The following GPC6 variants were observed in gnomAD, a reference collection of about 807,000 sequenced individuals.
The protein encoded by GPC6 is glypican-6.
In GPC6, 14 loss-of-function variants were observed where a neutral mutation model predicts 55.2. The ratio of observed to expected loss-of-function variants is 0.25; its 90% CI spans 0.17 to 0.40. The LOEUF is 0.40. GPC6 is among the 10% of genes least tolerant of loss of function. The pLI is 1.00. For synonymous variants in GPC6, 278 were observed against 259.6 expected (o/e 1.07, Z -0.68); for missense variants, 641 against 708.5 (o/e 0.90, Z 1.08).
chr13:93,400,349 A>AC (rs1876023905), intron 1 of GPC6, among the ~76,000 whole-genome samples: 2 of 151,824 alleles, frequency 1.3e-5, no homozygotes. Flanking sequence ...AAAAAAAAAA[A>AC]AAAATACAGA....
intron 2 of GPC6, among the ~76,000 whole-genome samples, chr13:93,723,191 G>T (rs374274742): frequency 6.6e-6 from 1 of 151,914 alleles, no homozygotes; most frequent in African/African-American, 2.4e-5. Context: ...ACAGTGCATT[G>T]TTGTAGGTAG....
chr13:93,975,860 G>A (rs186801393), intron 3 of GPC6, among the ~76,000 whole-genome samples: 1 of 152,226 alleles, frequency 6.6e-6, no homozygotes, highest in African/African-American at 2.4e-5. Context: ...GCCAGCTTTA[G>A]TGTCCCTGGG....
intron 2 of GPC6, among the ~76,000 whole-genome samples, chr13:93,635,565 T>G (rs982034280): frequency 6.6e-6 from 1 of 152,178 alleles, no homozygotes; most frequent in African/African-American, 2.4e-5. Flanking sequence ...GTTTTGGTTC[T>G]GTTGTGTGAG....
intron 2 of GPC6, among the ~76,000 whole-genome samples, chr13:93,618,845 G>A (rs867059707): frequency 6.6e-6 from 1 of 152,060 alleles, no homozygotes; most frequent in South Asian, 2.1e-4. Flanking sequence ...TAATGATGGG[G>A]ATACCTTTTG....
At chr13:93,746,747 A>G (rs926762363) in intron 2 of GPC6, among the ~76,000 whole-genome samples, 4 of 152,184 alleles carry the variant, frequency 2.6e-5, no homozygotes, top group Non-Finnish European at 4.4e-5. Context: ...AACCAAACTC[A>G]TTTAACCAGT....
intron 5 of GPC6, 25 bp downstream of exon 5, chr13:94,286,504 C>T (rs769222231): frequency 6.2e-7 from 1 of 1,601,632 alleles, no homozygotes; most frequent in Admixed American, 1.7e-5. Context: ...AATGTATCTG[C>T]CAATACATGT....
intron 2 of GPC6, among the ~76,000 whole-genome samples, chr13:93,702,562 G>C (rs1158366481): frequency 2.0e-5 from 3 of 151,956 alleles, no homozygotes; most frequent in African/African-American, 7.2e-5. Flanking sequence ...TTCCTCTCCA[G>C]CTGTGAATGT....
intron 6 of GPC6, among the ~76,000 whole-genome samples, chr13:94,336,136 C>T (rs1410090585): frequency 3.9e-5 from 6 of 152,072 alleles, no homozygotes; most frequent in East Asian, 1.9e-4. Flanking sequence ...ATGACACACC[C>T]GAGCCGCAGG....
At chr13:93,272,247 G>A (rs1877555327) in intron 1 of GPC6, among the ~76,000 whole-genome samples, 1 of 151,848 alleles carries the variant, frequency 6.6e-6, no homozygotes, top group African/African-American at 2.4e-5. Context: ...TAATGACTTA[G>A]CTTTGGGAAT....
intron 4 of GPC6, among the ~76,000 whole-genome samples, chr13:94,250,594 A>T (rs1286939068): frequency 6.6e-6 from 1 of 152,160 alleles, no homozygotes; most frequent in Admixed American, 6.6e-5. Context: ...TTTTCTCCCA[A>T]TAGAAGTAGA....
At chr13:94,209,589 A>G (rs567909713) in intron 4 of GPC6, among the ~76,000 whole-genome samples, 19 of 152,300 alleles carry the variant, frequency 1.2e-4, no homozygotes, top group African/African-American at 3.6e-4. Flanking sequence ...TGAAAACGGC[A>G]GAAGAAGAAA....
intron 4 of GPC6, among the ~76,000 whole-genome samples, chr13:94,205,347 G>A (rs1889869878): frequency 6.6e-6 from 1 of 152,166 alleles, no homozygotes; most frequent in African/African-American, 2.4e-5. Context: ...AATCTCAAAT[G>A]GTCATTACGT....
chr13:93,598,477 T>C (rs1877866672), intron 2 of GPC6, among the ~76,000 whole-genome samples: 1 of 152,198 alleles, frequency 6.6e-6, no homozygotes, highest in African/African-American at 2.4e-5. Flanking sequence ...CATTAGCCTT[T>C]CACTTAATGA....
At chr13:94,157,876 T>G (rs1005796578) in intron 4 of GPC6, among the ~76,000 whole-genome samples, 3 of 152,020 alleles carry the variant, frequency 2.0e-5, no homozygotes, top group African/African-American at 7.2e-5. Context: ...GTTGCAGAAT[T>G]GGGCCATGAT....
At chr13:93,260,602 T>C (rs1283174286) in intron 1 of GPC6, among the ~76,000 whole-genome samples, 1 of 152,112 alleles carries the variant, frequency 6.6e-6, no homozygotes, top group Admixed American at 6.5e-5. Context: ...CCTAGAACAT[T>C]GTTGTATTTA....
intron 1 of GPC6, among the ~76,000 whole-genome samples, chr13:93,335,623 A>G (rs1032821794): frequency 6.6e-6 from 1 of 152,166 alleles, no homozygotes; most frequent in African/African-American, 2.4e-5. Context: ...CTCTTTTATA[A>G]TTGTCAGCTT....
chr13:93,691,982 T>C (rs984333616), intron 2 of GPC6, among the ~76,000 whole-genome samples: 5 of 152,088 alleles, frequency 3.3e-5, no homozygotes, highest in African/African-American at 7.2e-5. Flanking sequence ...GGTTGACTTA[T>C]ATACAATGGT....
intron 1 of GPC6, among the ~76,000 whole-genome samples, chr13:93,377,263 G>T (rs1009270324): frequency 6.6e-6 from 1 of 152,184 alleles, no homozygotes; most frequent in African/African-American, 2.4e-5. Context: ...GACCACATCC[G>T]TATGAAAGTC....
intron 1 of GPC6, among the ~76,000 whole-genome samples, chr13:93,245,296 C>G (rs1455818692): frequency 6.6e-6 from 1 of 152,204 alleles, no homozygotes; most frequent in African/African-American, 2.4e-5. Flanking sequence ...GTTTTGGATA[C>G]TCTGATTTAA....
Sources: gnomAD v4.1 joint callset for allele counts (sites outside exome capture counted in the v4.1 genomes callset) on GRCh38, gnomAD v4.1.1 for gene constraint, MANE v1.5 for transcripts, NCBI Gene and HGNC (gene_info 2026-07-23, HGNC 2026-07-21) for gene names.